Variants in ZNF670 observed in about 807,000 individuals in gnomAD.
ZNF670 encodes the protein zinc finger protein 670.
A neutral mutation model predicts 10.9 loss-of-function variants in ZNF670; 7 were observed. The observed-to-expected ratio is 0.64, with a 90% CI of 0.36 to 1.20. ZNF670 has a LOEUF of 1.20. Ranked by LOEUF, ZNF670 falls within the 50% of genes most tolerant of loss-of-function variation. The pLI, the probability that ZNF670 is intolerant of heterozygous loss-of-function variation, is 0.02. For synonymous variants in ZNF670, 136 were observed against 152.7 expected (o/e 0.89, Z 0.81); for missense variants, 446 against 458.6 (o/e 0.97, Z 0.25).
intron 1 of ZNF670, among the ~76,000 whole-genome samples, chr1:247,052,798 A>T (rs1670629755): frequency 6.6e-6 from 1 of 152,174 alleles, no homozygotes; most frequent in Non-Finnish European, 1.5e-5. Flanking sequence ...CTTGCCCTAA[A>T]GTCACCTGAA....
intron 2 of ZNF670, 116 bp downstream of exon 2, chr1:247,039,295 A>T: frequency 8.4e-7 from 1 of 1,187,444 alleles, no homozygotes; most frequent in Middle Eastern, 3.0e-4. Context: ...TCCTGACCTC[A>T]GGCGATTCAC....
intron 3 of ZNF670, 99 bp downstream of exon 3, chr1:247,038,711 A>G (rs1670228516): frequency 2.7e-6 from 3 of 1,106,976 alleles, no homozygotes; most frequent in Non-Finnish European, 3.9e-6. Context: ...TGGAAAAAAA[A>G]AATTTCTAGT....
At chr1:247,066,666 T>A (rs958895851) in intron 1 of ZNF670, among the ~76,000 whole-genome samples, 1 of 152,220 alleles carries the variant, frequency 6.6e-6, no homozygotes, top group Admixed American at 6.5e-5. Flanking sequence ...CAGGCCACGA[T>A]GGGAAGAGGG....
intron 1 of ZNF670, among the ~76,000 whole-genome samples, chr1:247,073,767 C>T (rs1203375105): frequency 6.6e-6 from 1 of 152,210 alleles, no homozygotes; most frequent in Non-Finnish European, 1.5e-5. Flanking sequence ...ACAACACTGC[C>T]CACATTGCAC....
At chr1:247,048,288 G>A (rs1364149685) in intron 1 of ZNF670, among the ~76,000 whole-genome samples, 1 of 152,112 alleles carries the variant, frequency 6.6e-6, no homozygotes, top group Non-Finnish European at 1.5e-5. Context: ...AGATCTCTAG[G>A]GCAGGGGCAA....
rs1670183211 is a variant in ZNF670 at position 247,037,394 on chromosome 1, T to A, written c.*55A>T. 8.6e-6 allele frequency: 13 copies of A among 1,512,800 alleles called. No individual in the cohort carries two copies. In the South Asian group the frequency reaches 1.7e-4, roughly 19 times the overall value. The allele number at this position is 1,512,800 out of a possible 1,614,324, so 93.7% of individuals were successfully genotyped here. ...CGTGTTCTAATGAAACTAGAATAACTGAAAGCTTTAACACACTTCTTACAT... is the reference window on the plus strand; with the variant it reads ...CGTGTTCTAATGAAACTAGAATAACAGAAAGCTTTAACACACTTCTTACAT... On this transcript the variant is annotated 3_prime_UTR_variant, in exon 4 of 4. Transcript: ENST00000366503.
At chr1:247,067,434 T>TC (rs1558346228) in intron 1 of ZNF670, among the ~76,000 whole-genome samples, 5 of 53,524 alleles carry the variant, frequency 9.3e-5, no homozygotes, top group African/African-American at 2.3e-4. Context: ...AGATCCCGTC[T>TC]CAAAAAAAAA....
chr1:247,069,634 A>G (rs1671070380), intron 1 of ZNF670, among the ~76,000 whole-genome samples: 1 of 152,140 alleles, frequency 6.6e-6, no homozygotes, highest in South Asian at 2.1e-4. Flanking sequence ...GAAAATGTAC[A>G]TACACACAGT....
chr1:247,073,855 C>A (rs1249091601), intron 1 of ZNF670, among the ~76,000 whole-genome samples: 1 of 152,144 alleles, frequency 6.6e-6, no homozygotes, highest in East Asian at 1.9e-4. Flanking sequence ...ATCACCCCTT[C>A]CTCAGGTTTG....
intron 1 of ZNF670, among the ~76,000 whole-genome samples, chr1:247,052,811 A>C (rs770957585): frequency 2.6e-5 from 4 of 152,136 alleles, no homozygotes; most frequent in African/African-American, 4.8e-5. Flanking sequence ...CACCTGAATA[A>C]GTATTCAGGT....
intron 1 of ZNF670, among the ~76,000 whole-genome samples, chr1:247,040,019 T>C (rs1467959507): frequency 6.6e-6 from 1 of 152,198 alleles, no homozygotes; most frequent in Admixed American, 6.5e-5. Flanking sequence ...ATGTAAACAA[T>C]CTTATGCAAA....
At chr1:247,078,483 G>A in intron 1 of ZNF670, 111 bp downstream of exon 1, 3 of 1,414,270 alleles carry the variant, frequency 2.1e-6, no homozygotes, top group Non-Finnish European at 2.9e-6. Context: ...CTAAGGCCGC[G>A]AGGCGCCGGC....
At chr1:247,071,851 T>C (rs904291160) in intron 1 of ZNF670, among the ~76,000 whole-genome samples, 1 of 151,484 alleles carries the variant, frequency 6.6e-6, no homozygotes. Context: ...CACAGTTTTA[T>C]TCTTTCTTTC....
Position 247,037,243 on chromosome 1 carries a change from T to C in ZNF670, c.*206A>G, listed in dbSNP as rs1670179085. 2.0e-6 allele frequency: 1 copy of C among 499,814 alleles called. No individual in the cohort carries two copies. Among genetic ancestry groups the C allele is most frequent in the East Asian group, 3.2e-5 (1 of 30,898 alleles). The allele number at this position is 499,814 out of a possible 1,614,324, so 31.0% of individuals were successfully genotyped here. On this transcript the variant is annotated 3_prime_UTR_variant, in exon 4 of 4. Transcript: ENST00000366503. ...AAAGTGTTCTAACACATTTTTCGTATTTTATGACGTTCTTTCCCAGGACGG... is the reference window on the plus strand; with the variant it reads ...AAAGTGTTCTAACACATTTTTCGTACTTTATGACGTTCTTTCCCAGGACGG...
intron 1 of ZNF670, among the ~76,000 whole-genome samples, chr1:247,061,183 A>T (rs889123985): frequency 2.4e-4 from 34 of 144,142 alleles, no homozygotes; most frequent in Non-Finnish European, 4.7e-4. Context: ...TTAAAAGTAA[A>T]TTTTTTTTTT....
chr1:247,044,468 G>C (rs1040621642), intron 1 of ZNF670, among the ~76,000 whole-genome samples: 6 of 152,124 alleles, frequency 3.9e-5, no homozygotes, highest in African/African-American at 1.4e-4. Flanking sequence ...CACACCCAAA[G>C]GAATATAAGT....
At chr1:247,058,124 G>T (rs924849976) in intron 1 of ZNF670, among the ~76,000 whole-genome samples, 7 of 152,034 alleles carry the variant, frequency 4.6e-5, no homozygotes, top group African/African-American at 1.7e-4. Context: ...CACCTAGTAT[G>T]TACCCACAAA....
intron 1 of ZNF670, among the ~76,000 whole-genome samples, chr1:247,061,658 GC>G (rs1410836442): frequency 1.3e-5 from 2 of 152,120 alleles, no homozygotes; most frequent in Non-Finnish European, 2.9e-5. Flanking sequence ...CGTAGTTACA[GC>G]ATTTTAACTT....
chr1:247,039,353 G>A (rs953375167), intron 2 of ZNF670, 58 bp downstream of exon 2: 21 of 1,575,324 alleles, frequency 1.3e-5, no homozygotes, highest in South Asian at 5.8e-5. Flanking sequence ...GAGCCACCAC[G>A]CCCAGCCAAA....
Sources: allele counts gnomAD v4.1 joint callset (sites outside exome capture counted in the v4.1 genomes callset), GRCh38; gene constraint gnomAD v4.1.1; transcripts MANE v1.5; gene names NCBI Gene and HGNC (gene_info 2026-07-23, HGNC 2026-07-21).